Variants in CNTNAP2 observed in about 807,000 individuals in gnomAD.
CNTNAP2 encodes the protein contactin-associated protein-like 2.
CNTNAP2 carries 98 observed loss-of-function variants against 155.2 expected under a neutral mutation model. The ratio of observed to expected loss-of-function variants is 0.63; its 90% CI spans 0.54 to 0.75. CNTNAP2 has a LOEUF of 0.75. Among genes scored for constraint, CNTNAP2 ranks in the 30% least tolerant of loss-of-function variants. The probability of loss-of-function intolerance (pLI) is 0.00; values close to 1 mark genes in which losing one functional copy is unlikely to be tolerated. For missense variants in CNTNAP2, 1,727 were observed against 1,688.1 expected (o/e 1.02, Z -0.40); for synonymous variants, 651 against 631.2 (o/e 1.03, Z -0.47).
At chr7:146,604,965 C>T in intron 1 of CNTNAP2, among the ~76,000 whole-genome samples, 1 of 136,000 alleles carries the variant, frequency 7.4e-6, no homozygotes, top group East Asian at 2.3e-4. Flanking sequence ...GGGAGATATA[C>T]CTAATGCTAG....
chr7:147,552,599 C>T (rs1332326431), intron 11 of CNTNAP2, among the ~76,000 whole-genome samples: 2 of 151,080 alleles, frequency 1.3e-5, no homozygotes, highest in Non-Finnish European at 3.0e-5. Flanking sequence ...CACACACACA[C>T]ACACACACAG....
At chr7:148,122,438 A>G (rs1020815850) in intron 16 of CNTNAP2, among the ~76,000 whole-genome samples, 3 of 152,200 alleles carry the variant, frequency 2.0e-5, no homozygotes, top group African/African-American at 7.2e-5. Flanking sequence ...GTGGGGGAAG[A>G]ACAGGAGCCA....
chr7:148,130,584 T>C (rs1804810583), intron 16 of CNTNAP2, among the ~76,000 whole-genome samples: 1 of 152,192 alleles, frequency 6.6e-6, no homozygotes, highest in Non-Finnish European at 1.5e-5. Flanking sequence ...CAAAGTACAA[T>C]CCCAAGCTTG....
intron 1 of CNTNAP2, among the ~76,000 whole-genome samples, chr7:146,660,094 C>T (rs1399718459): frequency 1.3e-5 from 2 of 152,166 alleles, no homozygotes; most frequent in African/African-American, 2.4e-5. Context: ...AAAGAGGATG[C>T]CTTTCTTTTA....
chr7:147,878,062 T>C (rs1217380900), intron 13 of CNTNAP2, among the ~76,000 whole-genome samples: 1 of 152,154 alleles, frequency 6.6e-6, no homozygotes, highest in East Asian at 1.9e-4. Flanking sequence ...ATGCTGATGG[T>C]TTTTGCAGCT....
intron 1 of CNTNAP2, among the ~76,000 whole-genome samples, chr7:146,320,721 G>C (rs1800986300): frequency 6.6e-6 from 1 of 152,008 alleles, no homozygotes; most frequent in Admixed American, 6.6e-5. Flanking sequence ...TACAGAAAGG[G>C]ATTTTTTATT....
intron 17 of CNTNAP2, among the ~76,000 whole-genome samples, chr7:148,168,311 C>T (rs946812872): frequency 4.6e-5 from 7 of 152,010 alleles, no homozygotes; most frequent in East Asian, 1.9e-4. Context: ...TGGAACCAAG[C>T]CAAATGTCCA....
rs114048472 is a variant in CNTNAP2 at position 147,401,684 on chromosome 7, G to A, written c.1670+5904G>A. 8.6e-3 allele frequency among the ~76,000 whole-genome samples: 1,315 copies of A among 152,166 alleles called. 23 individuals carry two copies. The highest frequency in any genetic ancestry group is 0.03 in the African/African-American group (1,256 of 41,520). Reference sequence around the variant, plus strand: ...GGGAGGTGATTGGATCATGGGGGTGGATTTCCCCCTTACCGTTCTCATGAT... The same window carrying A: ...GGGAGGTGATTGGATCATGGGGGTGAATTTCCCCCTTACCGTTCTCATGAT... On this transcript the variant is annotated intron_variant, in intron 10 of 23. Transcript: ENST00000361727.
At chr7:147,087,479 T>G (rs1389913793) in intron 4 of CNTNAP2, among the ~76,000 whole-genome samples, 2 of 152,170 alleles carry the variant, frequency 1.3e-5, no homozygotes, top group Non-Finnish European at 2.9e-5. Flanking sequence ...TATTTAAAAG[T>G]CATTGTTTGT....
chr7:147,091,253 A>G lies in CNTNAP2; in HGVS notation c.551-16894A>G, dbSNP rs562152938. Among the ~76,000 whole-genome samples, 6 of 152,110 alleles carry G rather than the reference A, an allele frequency of 3.9e-5. No individual in the cohort carries two copies. The East Asian group carries it at 5.9e-4, about 15-fold the overall frequency. On this transcript the variant is annotated intron_variant, in intron 4 of 23. Transcript: ENST00000361727. ...ATCCTGATCTCTGGGCTCAGAGCCA[A>G]TGCTCTTCTGTATCCTGATGGGATG...
intron 3 of CNTNAP2, among the ~76,000 whole-genome samples, chr7:147,038,630 C>T (rs1038778865): frequency 1.3e-5 from 2 of 152,164 alleles, no homozygotes; most frequent in African/African-American, 4.8e-5. Context: ...ACTCAGCGTG[C>T]ATTGGAGATC....
intron 1 of CNTNAP2, among the ~76,000 whole-genome samples, chr7:146,444,217 G>T (rs1177383917): frequency 1.3e-5 from 2 of 151,916 alleles, no homozygotes; most frequent in Non-Finnish European, 2.9e-5. Flanking sequence ...TATAAACGGG[G>T]TTTCACCACG....
intron 15 of CNTNAP2, among the ~76,000 whole-genome samples, chr7:148,080,402 G>C (rs1458948286): frequency 1.3e-5 from 2 of 151,908 alleles, no homozygotes; most frequent in Non-Finnish European, 2.9e-5. Context: ...TCAGGAGATC[G>C]AGACCGTCCT....
At chr7:148,185,966 A>T (rs573148512) in intron 18 of CNTNAP2, among the ~76,000 whole-genome samples, 2 of 152,222 alleles carry the variant, frequency 1.3e-5, no homozygotes, top group African/African-American at 4.8e-5. Flanking sequence ...TATGACAAAC[A>T]CTTAATAACT....
At position 146,760,409 on chromosome 7, in the gene CNTNAP2, C is replaced by CTTTTTTTTTTTTTTTTTT. The variant is rs532820418; in HGVS notation, c.98-13846_98-13829dup. 2.2e-3 allele frequency among the ~76,000 whole-genome samples: 124 copies of CTTTTTTTTTTTTTTTTTT among 56,292 alleles called. 25 individuals are homozygous for CTTTTTTTTTTTTTTTTTT. The highest frequency in any genetic ancestry group is 0.011 in the East Asian group (14 of 1,240). 36.9% of individuals were successfully genotyped at this position (56,292 alleles called of 152,430 possible). ...CACCTCTGTATCATCTCCAATTTAC[C>CTTTTTTTTTTTTTTTTTT]TTTTTTTTTTTTTTTTTTTTTTTTT... On this transcript the variant is annotated intron_variant, in intron 1 of 23. Coordinates refer to ENST00000361727, the MANE Select transcript of CNTNAP2 (RefSeq NM_014141.6).
At chr7:146,320,566 C>T (rs1800983396) in intron 1 of CNTNAP2, among the ~76,000 whole-genome samples, 1 of 152,122 alleles carries the variant, frequency 6.6e-6, no homozygotes, top group Non-Finnish European at 1.5e-5. Flanking sequence ...AGGAATCTGA[C>T]TCTATGATCA....
At chr7:147,949,459 T>TATA (rs1554453475) in intron 14 of CNTNAP2, among the ~76,000 whole-genome samples, 7,007 of 129,608 alleles carry the variant, frequency 0.054, 264 homozygotes, top group South Asian at 0.14. Context: ...TATATATATA[T>TATA]TTTTTTTTTT....
intron 3 of CNTNAP2, among the ~76,000 whole-genome samples, chr7:146,968,204 C>T (rs1175731824): frequency 2.6e-5 from 4 of 151,686 alleles, no homozygotes; most frequent in African/African-American, 9.7e-5. Context: ...CTGCTGGATT[C>T]GGTTTGCCAG....
chr7:146,338,887 T>A (rs547777328), intron 1 of CNTNAP2, among the ~76,000 whole-genome samples: 1,788 of 151,816 alleles, frequency 0.012, 27 homozygotes, highest in African/African-American at 0.035. Context: ...ATTTTTTTTT[T>A]AAAAAAGGTT....
Sources: allele counts gnomAD v4.1 joint callset (sites outside exome capture counted in the v4.1 genomes callset), GRCh38; gene constraint gnomAD v4.1.1; transcripts MANE v1.5; gene names NCBI Gene and HGNC (gene_info 2026-07-23, HGNC 2026-07-21).